Variants in NDST1 observed in about 807,000 individuals in gnomAD.
NDST1 encodes the protein N-deacetylase and N-sulfotransferase 1, also known as bifunctional heparan sulfate N-deacetylase/N-sulfotransferase 1.
In NDST1, 35 loss-of-function variants were observed where a neutral mutation model predicts 92.8. The ratio of observed to expected loss-of-function variants is 0.38; its 90% confidence interval spans 0.29 to 0.50. The LOEUF (loss-of-function observed/expected upper bound fraction) is 0.50, where lower values mean the gene tolerates loss of function less well. Ranked by LOEUF, NDST1 falls within the 20% of genes least tolerant of loss-of-function variation. The probability of loss-of-function intolerance (pLI) is 0.94; values close to 1 mark genes in which losing one functional copy is unlikely to be tolerated. For synonymous variants in NDST1, 493 were observed against 500.3 expected (o/e 0.99, Z 0.19); for missense variants, 822 against 1,182.7 (o/e 0.69, Z 4.47).
intron 2 of NDST1, among the ~76,000 whole-genome samples, chr5:150,527,035 C>T (rs775619324): frequency 1.3e-4 from 20 of 152,238 alleles, no homozygotes; most frequent in Non-Finnish European, 2.5e-4. Flanking sequence ...GCAGAAACCT[C>T]CTCTTTGAAC....
At chr5:150,548,029 G>T (rs1437556696) in intron 11 of NDST1, among the ~76,000 whole-genome samples, 189 bp from the exon 12 acceptor site, 1 of 152,150 alleles carries the variant, frequency 6.6e-6, no homozygotes, top group Non-Finnish European at 1.5e-5. Context: ...CAAAGATGGA[G>T]AAGTTGGGGC....
intron 3 of NDST1, among the ~76,000 whole-genome samples, chr5:150,532,154 T>C (rs1211066568): frequency 6.6e-6 from 1 of 152,176 alleles, no homozygotes; most frequent in African/African-American, 2.4e-5. Flanking sequence ...TTTAATCTTT[T>C]TAGAGCAGGG....
Position 150,535,783 on chromosome 5 carries a change from G to C in NDST1, c.1335G>C (p.Glu445Asp). The C allele has an allele frequency of 6.2e-7, 1 of 1,614,222 alleles. No homozygotes were observed. Among genetic ancestry groups the C allele is most frequent in the Non-Finnish European group, 8.5e-7 (1 of 1,180,036 alleles). Residue 445 changes from glutamate (E) to aspartate (D), a missense_variant, in exon 6 of 15, where the codon GAG becomes GAC. Physicochemically the swap from Glu to Asp is conservative, Grantham distance 45. Coordinates refer to ENST00000261797, the MANE Select transcript of NDST1 (RefSeq NM_001543.5). ...ACCCCGTGCACGTGCAGCTGTACGA[G>C]GCTTGGAAGCAGGTGTGGAGCATCC... ...GVYPVHVQLY[E>D]AWKQVWSIRV...
chr5:150,547,411 G>T lies in NDST1; in HGVS notation c.2146-807G>T, dbSNP rs60154240. Among the ~76,000 whole-genome samples the T allele has an allele frequency of 6.6e-3, 1,000 of 152,302 alleles. 14 individuals are homozygous for T. Among genetic ancestry groups the T allele is most frequent in the African/African-American group, 0.023 (957 of 41,570 alleles). ...TCAGGGGAGGGGGTTGGCGGCTGGG[G>T]GATAGTGCCTGTCGCACAGGTGCCT... is the stretch of plus-strand genomic sequence containing the variant. On this transcript the variant is annotated intron_variant, in intron 11 of 14. Coordinates refer to ENST00000261797, the MANE Select transcript of NDST1 (RefSeq NM_001543.5).
At chr5:150,543,781 T>G (rs1305442323) in intron 10 of NDST1, among the ~76,000 whole-genome samples, 1 of 151,962 alleles carries the variant, frequency 6.6e-6, no homozygotes, top group Non-Finnish European at 1.5e-5. Context: ...CCTTCTGTCT[T>G]TCTTTTTTTT....
chr5:150,542,363 T>C (rs564491592), intron 9 of NDST1, among the ~76,000 whole-genome samples: 55 of 152,290 alleles, frequency 3.6e-4, no homozygotes, highest in South Asian at 1.4e-3. Context: ...GCAGAGGGTA[T>C]TGGGAAGAAG....
chr5:150,544,842 C>T (rs905390774), intron 10 of NDST1, among the ~76,000 whole-genome samples: 2 of 152,136 alleles, frequency 1.3e-5, no homozygotes, highest in African/African-American at 4.8e-5. Context: ...AAGGTGTTCC[C>T]CCAGGTCAGG....
chr5:150,513,909 T>C (rs1166915837), intron 1 of NDST1, among the ~76,000 whole-genome samples: 10 of 152,244 alleles, frequency 6.6e-5, no homozygotes, highest in Admixed American at 6.5e-4. Flanking sequence ...GTTACCGTGG[T>C]ATTTCCCGAA....
rs1292322072 is a variant in NDST1 at position 150,551,756 on chromosome 5, T to C, written c.2430T>C (p.Phe810=). 1 of 1,612,698 alleles carries C rather than the reference T, an allele frequency of 6.2e-7. No individual in the cohort carries two copies. Among genetic ancestry groups the C allele is most frequent in the Non-Finnish European group, 8.5e-7 (1 of 1,179,052 alleles). The stretch of plus-strand genomic sequence containing the variant: ...AAAGACTTTCCCACCTCCACAGGTT[T>C]GATCCAAAGAAAGGATTTTGGTGCC... The part of the protein sequence containing the change: ...NTIDYHKTLA[F]DPKKGFWCQL... The change falls in exon 14 of 15, where the codon TTT becomes TTC. Residue 810 remains phenylalanine, a synonymous_variant. Transcript: ENST00000261797.
Position 150,545,295 on chromosome 5 carries a change from C to T in NDST1, c.1971-17C>T, listed in dbSNP as rs765764433. ...CATGAGTTTTGTCTGTGAGCCGCCT[C>T]TCTGGGCTTCCTGCAGGTACATGGA... On this transcript the variant is annotated splice_polypyrimidine_tract_variant and intron_variant, in intron 10 of 14. Coordinates refer to ENST00000261797, the MANE Select transcript of NDST1 (RefSeq NM_001543.5). The T allele has an allele frequency of 9.3e-6, 15 of 1,614,174 alleles. No homozygotes were observed. The South Asian group carries it at 1.5e-4, about 17-fold the overall frequency.
chr5:150,503,712 G>T (rs923167062), upstream of NDST1, among the ~76,000 whole-genome samples: 1 of 152,156 alleles, frequency 6.6e-6, no homozygotes, highest in African/African-American at 2.4e-5. Context: ...TGAGAGCTGC[G>T]GGCCGGCCCT....
intron 1 of NDST1, among the ~76,000 whole-genome samples, chr5:150,516,838 G>A (rs1428741658): frequency 2.0e-5 from 3 of 152,062 alleles, no homozygotes; most frequent in African/African-American, 7.2e-5. Context: ...GCTAATTTTT[G>A]TATTTTTAGT....
intron 11 of NDST1, among the ~76,000 whole-genome samples, chr5:150,546,031 T>C (rs1433304827): frequency 7.3e-6 from 1 of 137,132 alleles, no homozygotes; most frequent in Admixed American, 8.1e-5. Context: ...AGAGTCTTGC[T>C]CTGTAGCCCA....
chr5:150,540,198 G>C lies in NDST1; in HGVS notation c.1683G>C (p.Leu561=). ...GGACGAACCTCCGGCTGCAGACACTGCCCCCTGTGCAGTTGGCGCAGAAGT... is the reference window on the plus strand; with the variant it reads ...GGACGAACCTCCGGCTGCAGACACTCCCCCCTGTGCAGTTGGCGCAGAAGT... ...HSWTNLRLQT[L]PPVQLAQKYF... The change falls in exon 8 of 15, where the codon CTG becomes CTC. Residue 561 remains leucine, a synonymous_variant. Transcript: ENST00000261797. The C allele has an allele frequency of 6.2e-7, 1 of 1,614,172 alleles. No individual in the cohort carries two copies. Among genetic ancestry groups the C allele is most frequent in the Non-Finnish European group, 8.5e-7 (1 of 1,180,002 alleles).
chr5:150,523,662 A>G (rs1346044637), intron 2 of NDST1, among the ~76,000 whole-genome samples: 1 of 152,204 alleles, frequency 6.6e-6, no homozygotes, highest in South Asian at 2.1e-4. Context: ...CAGAGGCCAC[A>G]CCCAGTGCAC....
At chr5:150,533,081 G>A in intron 4 of NDST1, 49 bp downstream of exon 4, 2 of 1,558,666 alleles carry the variant, frequency 1.3e-6, no homozygotes, top group African/African-American at 1.4e-5. Context: ...GGACTCCTCA[G>A]CACCCAAACC....
chr5:150,509,516 G>A (rs927239571), intron 1 of NDST1, among the ~76,000 whole-genome samples: 3 of 152,086 alleles, frequency 2.0e-5, no homozygotes, highest in Non-Finnish European at 4.4e-5. Flanking sequence ...GCAGGAGGTG[G>A]CCCCCCTTTC....
Position 150,557,851 on chromosome 5 carries a change from T to C in NDST1, c.*4519T>C, listed in dbSNP as rs1755904819. 1 of 152,634 alleles carries C rather than the reference T, an allele frequency of 6.6e-6. No homozygotes were observed. Among genetic ancestry groups the C allele is most frequent in the Non-Finnish European group, 1.5e-5 (1 of 68,056 alleles). 9.5% of individuals were successfully genotyped at this position (152,634 alleles called of 1,614,324 possible). The stretch of plus-strand genomic sequence containing the variant: ...CTGGATGCGTTTTATCCTAAGAAGT[T>C]CATCCCTCCTGCTCTTACTGTTTCC... On this transcript the variant is annotated 3_prime_UTR_variant, in exon 15 of 15. Coordinates refer to ENST00000261797, the MANE Select transcript of NDST1 (RefSeq NM_001543.5). The surrounding 1 kb of genome is among the most constrained non-coding windows in gnomAD (Gnocchi z 4.7).
At chr5:150,513,601 C>T (rs1753824795) in intron 1 of NDST1, among the ~76,000 whole-genome samples, 1 of 152,202 alleles carries the variant, frequency 6.6e-6, no homozygotes, top group Non-Finnish European at 1.5e-5. Context: ...AGGAGGCCTG[C>T]TGGCGCACAG....
Sources: gnomAD v4.1 joint callset for allele counts (sites outside exome capture counted in the v4.1 genomes callset) on GRCh38, gnomAD v4.1.1 for gene constraint, Gnocchi (gnomAD v3.1) non-coding constraint, MANE v1.5 for transcripts, NCBI Gene and HGNC (gene_info 2026-07-23, HGNC 2026-07-21) for gene names.